Variants in PTPN13 observed in about 807,000 individuals in gnomAD.
PTPN13 encodes the protein tyrosine-protein phosphatase non-receptor type 13.
A neutral mutation model predicts 284.0 loss-of-function variants in PTPN13; 191 were observed. The ratio of observed to expected loss-of-function variants is 0.67; its 90% CI spans 0.60 to 0.76. PTPN13 has a LOEUF of 0.76. Among genes scored for constraint, PTPN13 ranks in the 30% least tolerant of loss-of-function variants. The pLI is 0.00. For synonymous variants in PTPN13, 986 were observed against 1,022.3 expected, an observed-to-expected ratio of 0.96 and a Z score of 0.68; for missense variants, 2,797 against 2,939.9, an observed-to-expected ratio of 0.95 and a Z score of 1.12.
chr4:86,697,082 A>G (rs1235972796), intron 6 of PTPN13, among the ~76,000 whole-genome samples: 1 of 152,100 alleles, frequency 6.6e-6, no homozygotes, highest in Non-Finnish European at 1.5e-5. Context: ...ACTAATTTTA[A>G]AAGTTTAAGA....
intron 42 of PTPN13, among the ~76,000 whole-genome samples, chr4:86,800,276 T>C (rs911968080): frequency 2.6e-5 from 4 of 152,166 alleles, no homozygotes; most frequent in African/African-American, 9.7e-5. Context: ...TTAATTCGTC[T>C]TATTTTATAT....
chr4:86,639,024 A>G (rs1448454864), intron 2 of PTPN13, among the ~76,000 whole-genome samples: 2 of 152,212 alleles, frequency 1.3e-5, no homozygotes, highest in East Asian at 1.9e-4. Flanking sequence ...AAGGATATGA[A>G]CAGACACTTC....
chr4:86,797,997 G>A (rs1201648659), intron 41 of PTPN13, among the ~76,000 whole-genome samples: 1 of 152,170 alleles, frequency 6.6e-6, no homozygotes, highest in African/African-American at 2.4e-5. Flanking sequence ...TGTAGGTGAT[G>A]ATACCAGCCA....
chr4:86,689,336 G>A, intron 5 of PTPN13, 146 bp downstream of exon 5: 1 of 674,058 alleles, frequency 1.5e-6, no homozygotes, highest in Admixed American at 3.0e-5. Context: ...AATATAAATT[G>A]TTTATTTGAA....
At chr4:86,796,185 C>T (rs971793236) in intron 40 of PTPN13, among the ~76,000 whole-genome samples, 2 of 152,072 alleles carry the variant, frequency 1.3e-5, no homozygotes, top group Admixed American at 1.3e-4. Flanking sequence ...TATAATCTAA[C>T]ATATTTGAAA....
intron 3 of PTPN13, among the ~76,000 whole-genome samples, chr4:86,680,546 T>C (rs1728792108): frequency 1.3e-5 from 2 of 152,154 alleles, no homozygotes; most frequent in South Asian, 2.1e-4. Flanking sequence ...AAGTTCTCAT[T>C]TCTCTTCTCT....
At chr4:86,726,929 G>A (rs1734327894) in intron 10 of PTPN13, among the ~76,000 whole-genome samples, 1 of 149,550 alleles carries the variant, frequency 6.7e-6, no homozygotes. Context: ...TGTCCATTTA[G>A]TATGATATTG....
At chr4:86,669,142 T>C (rs1431593425) in intron 2 of PTPN13, among the ~76,000 whole-genome samples, 1 of 151,794 alleles carries the variant, frequency 6.6e-6, no homozygotes, top group Non-Finnish European at 1.5e-5. Flanking sequence ...TTCTTTATTG[T>C]AGTTGAAGTA....
chr4:86,784,551 G>A lies in PTPN13; in HGVS notation c.6111G>A (p.Leu2037=). The stretch of plus-strand genomic sequence containing the variant: ...TAAAGGGATCACCAAACTTGACTCT[G>A]CCCAAAGGTAGTTTTCCAAATCAGT... ...YQIKGSPNLT[L]PKESYIQEDD... is the part of the protein sequence containing the mutation. Residue 2037 remains leucine, a synonymous_variant, in exon 38 of 48, where the codon CTG becomes CTA. Coordinates refer to ENST00000411767, the MANE Select transcript of PTPN13 (RefSeq NM_080683.3). 6.2e-7 allele frequency: 1 copy of A among 1,601,362 alleles called. No individual in the cohort carries two copies. Among genetic ancestry groups the A allele is most frequent in the Non-Finnish European group, 8.5e-7 (1 of 1,174,388 alleles).
intron 1 of PTPN13, among the ~76,000 whole-genome samples, chr4:86,597,872 A>G (rs1326186577): frequency 1.3e-5 from 2 of 152,238 alleles, no homozygotes; most frequent in African/African-American, 4.8e-5. Flanking sequence ...AAATACAGGA[A>G]CAGGGTCTGG....
In PTPN13 at chr4:86,693,615, A is replaced by G. The variant is rs1730268699; in HGVS notation, c.575A>G (p.Gln192Arg). 1 of 1,556,648 alleles carries G rather than the reference A, an allele frequency of 6.4e-7. No individual in the cohort carries two copies. The highest frequency in any genetic ancestry group is 8.7e-7 in the Non-Finnish European group (1 of 1,147,532). ...GATCAGCTTTCCTGTAACAGTGAAC[A>G]AAAGCCTGATCGAAGCCAGGCTATT... ...GTDQLSCNSEQKPDRSQAIRD... is the reference protein window; with the variant it reads ...GTDQLSCNSERKPDRSQAIRD... Residue 192 changes from glutamine (Q) to arginine (R), a missense_variant, in exon 6 of 48, where the codon CAA becomes CGA. Transcript: ENST00000411767.
At chr4:86,692,969 C>T (rs1730185339) in intron 5 of PTPN13, among the ~76,000 whole-genome samples, 1 of 150,826 alleles carries the variant, frequency 6.6e-6, no homozygotes, top group Admixed American at 6.6e-5. Flanking sequence ...GTCCCAGCTA[C>T]TCTGGAGGCT....
At chr4:86,602,191 A>T (rs1021268788) in intron 1 of PTPN13, among the ~76,000 whole-genome samples, 5 of 152,160 alleles carry the variant, frequency 3.3e-5, no homozygotes, top group African/African-American at 4.8e-5. Flanking sequence ...TGATTTAGAG[A>T]AACAGTATAG....
At chr4:86,620,488 C>T (rs1229029330) in intron 1 of PTPN13, among the ~76,000 whole-genome samples, 1 of 152,124 alleles carries the variant, frequency 6.6e-6, no homozygotes, top group African/African-American at 2.4e-5. Context: ...AAATAGGTGA[C>T]TTAGCAAGAT....
At chr4:86,638,178 A>G (rs1294631631) in intron 2 of PTPN13, among the ~76,000 whole-genome samples, 3 of 152,218 alleles carry the variant, frequency 2.0e-5, no homozygotes, top group Non-Finnish European at 4.4e-5. Flanking sequence ...GAAATAAAAG[A>G]GGATACAAAC....
chr4:86,763,877 G>A (rs946945592), intron 24 of PTPN13, among the ~76,000 whole-genome samples: 1 of 152,110 alleles, frequency 6.6e-6, no homozygotes, highest in African/African-American at 2.4e-5. Context: ...AGAAAGAAGG[G>A]AAGGAAAGGA....
intron 10 of PTPN13, among the ~76,000 whole-genome samples, chr4:86,724,440 G>A (rs1046376877): frequency 3.3e-5 from 5 of 152,116 alleles, no homozygotes; most frequent in South Asian, 2.1e-4. Flanking sequence ...ATTATAGATC[G>A]TACCTTTATA....
At chr4:86,792,108 G>A (rs1468810986) in intron 40 of PTPN13, among the ~76,000 whole-genome samples, 1 of 151,860 alleles carries the variant, frequency 6.6e-6, no homozygotes, top group Non-Finnish European at 1.5e-5. Flanking sequence ...TAAAAACCTT[G>A]AAAAAAAGGT....
chr4:86,625,417 A>C (rs997644245), intron 1 of PTPN13, among the ~76,000 whole-genome samples: 1 of 152,136 alleles, frequency 6.6e-6, no homozygotes, highest in African/African-American at 2.4e-5. Context: ...AATCATTTCT[A>C]AAATCTTCCT....
Sources: gnomAD v4.1 joint callset for allele counts (sites outside exome capture counted in the v4.1 genomes callset) on GRCh38, gnomAD v4.1.1 for gene constraint, MANE v1.5 for transcripts, NCBI Gene and HGNC (gene_info 2026-07-23, HGNC 2026-07-21) for gene names.